SYT6: variants seen among roughly 807,000 people sequenced by gnomAD.
SYT6 encodes synaptotagmin-6.
In SYT6, 24 loss-of-function variants were observed where a neutral mutation model predicts 38.4. The observed-to-expected ratio is 0.62, with a 90% confidence interval of 0.45 to 0.88. The LOEUF is 0.88. SYT6 is among the 40% of genes least tolerant of loss of function. The probability of loss-of-function intolerance (pLI) is 0.00; values close to 1 mark genes in which losing one functional copy is unlikely to be tolerated. For synonymous variants in SYT6, 265 were observed against 241.9 expected (o/e 1.10, Z -0.89); for missense variants, 611 against 621.0 (o/e 0.98, Z 0.17).
At chr1:114,103,010 T>C (rs1393055634) in intron 4 of SYT6, among the ~76,000 whole-genome samples, 2 of 152,236 alleles carry the variant, frequency 1.3e-5, no homozygotes, top group African/African-American at 4.8e-5. Context: ...AATAAGACTA[T>C]ATTTCTATGT....
intron 6 of SYT6, among the ~76,000 whole-genome samples, chr1:114,095,236 C>G (rs1675562158): frequency 2.0e-5 from 3 of 152,200 alleles, no homozygotes; most frequent in Admixed American, 2.0e-4. Flanking sequence ...CCATTACTGT[C>G]TCATCAAATA....
chr1:114,094,973 G>T (rs544297892), intron 6 of SYT6, among the ~76,000 whole-genome samples: 3 of 152,322 alleles, frequency 2.0e-5, no homozygotes, highest in East Asian at 3.9e-4. Flanking sequence ...TTTTAATAAA[G>T]ATATTTAAAC....
chr1:114,116,086 T>C (rs1478796940), intron 3 of SYT6, among the ~76,000 whole-genome samples: 1 of 152,178 alleles, frequency 6.6e-6, no homozygotes, highest in Non-Finnish European at 1.5e-5. Flanking sequence ...TGCCCCCACC[T>C]GCCTCTCTTG....
intron 3 of SYT6, among the ~76,000 whole-genome samples, chr1:114,113,337 G>C (rs1872478): frequency 0.56 from 85,135 of 151,600 alleles, 24,210 homozygotes; most frequent in African/African-American, 0.59. Flanking sequence ...AAACAGTGAA[G>C]TTTGTCAAGC....
chr1:114,104,997 CGA>C (rs1557735878), intron 3 of SYT6, among the ~76,000 whole-genome samples: 1 of 152,026 alleles, frequency 6.6e-6, no homozygotes, highest in East Asian at 1.9e-4. Context: ...CCCTCCCTCC[CGA>C]CTCTAGTAGT....
In SYT6 at chr1:114,091,248, C is replaced by A. The variant is rs550817556; in HGVS notation, c.*886G>T. 13 of 152,840 alleles carry A rather than the reference C, an allele frequency of 8.5e-5. No homozygotes were observed. Among genetic ancestry groups the A allele is most frequent in the Middle Eastern group, 3.4e-3 (1 of 294 alleles). 9.5% of individuals were successfully genotyped at this position (152,840 alleles called of 1,614,324 possible). The stretch of plus-strand genomic sequence containing the variant: ...CAAGATTATTTCTGAGGACAAAGAT[C>A]CTGTTTTCAAACAAATGTGATCATT... On this transcript the variant is annotated 3_prime_UTR_variant, in exon 8 of 8. Coordinates refer to ENST00000610222, the MANE Select transcript of SYT6 (RefSeq NM_001253772.2).
At position 114,091,987 on chromosome 1, in the gene SYT6, A is replaced by G. The variant is rs958847301; in HGVS notation, c.*147T>C. ...TGCAAAGAGAACATTGCTGAGTCCCATTTGTGTTATTTGGCTGCACATCTC... is the reference window on the plus strand; with the variant it reads ...TGCAAAGAGAACATTGCTGAGTCCCGTTTGTGTTATTTGGCTGCACATCTC... On this transcript the variant is annotated 3_prime_UTR_variant, in exon 8 of 8. Transcript: ENST00000610222. The G allele has an allele frequency of 5.1e-5, 79 of 1,535,494 alleles. No homozygotes were observed. Among genetic ancestry groups the G allele is most frequent in the Admixed American group, 7.8e-5 (4 of 50,976 alleles).
Position 114,097,762 on chromosome 1 carries a change from G to T in SYT6, c.1480C>A (p.His494Asn). The T allele has an allele frequency of 6.2e-7, 1 of 1,614,208 alleles. No homozygotes were observed. Among genetic ancestry groups the T allele is most frequent in the Non-Finnish European group, 8.5e-7 (1 of 1,180,040 alleles). Residue 494 changes from histidine to asparagine, a missense_variant, in exon 6 of 8, where the codon CAC (histidine) becomes AAC (asparagine). By Grantham distance (68) the His-to-Asn change is moderately conservative. Coordinates refer to ENST00000610222, the MANE Select transcript of SYT6 (RefSeq NM_001253772.2). ...GATTTCTTTACCTCCACCAAGGAGT[G>T]CCAGTGTGCGATGGGCTTCCGGGGG... ...AYPRKPIAHW[H>N]SLVEVKKSFK...
intron 5 of SYT6, among the ~76,000 whole-genome samples, chr1:114,098,790 G>C (rs904685612): frequency 6.6e-6 from 1 of 152,192 alleles, no homozygotes; most frequent in Non-Finnish European, 1.5e-5. Flanking sequence ...CATTTCAAAG[G>C]CCAGATAATA....
intron 1 of SYT6, among the ~76,000 whole-genome samples, chr1:114,143,228 T>G (rs1678964991): frequency 6.7e-6 from 1 of 149,298 alleles, no homozygotes; most frequent in Non-Finnish European, 1.5e-5. Context: ...TATTGTGCTA[T>G]TCTAATAATT....
At chr1:114,109,419 CA>C (rs1195992594) in intron 3 of SYT6, among the ~76,000 whole-genome samples, 2 of 152,216 alleles carry the variant, frequency 1.3e-5, no homozygotes, top group African/African-American at 4.8e-5. Context: ...CAGGCAGATC[CA>C]GCTTCCAGCT....
At chr1:114,116,341 G>A (rs78928139) in intron 3 of SYT6, among the ~76,000 whole-genome samples, 15,659 of 152,170 alleles carry the variant, frequency 0.1, 955 homozygotes, top group Non-Finnish European at 0.14. Context: ...TGTCCCCAAC[G>A]CGGCAGTTCA....
At chr1:114,129,447 T>C (rs1296642525) in intron 3 of SYT6, among the ~76,000 whole-genome samples, 1 of 151,934 alleles carries the variant, frequency 6.6e-6, no homozygotes, top group Admixed American at 6.6e-5. Flanking sequence ...TCCCACTTCA[T>C]CTTTCACTCT....
chr1:114,110,643 G>A (rs774842530), intron 3 of SYT6, among the ~76,000 whole-genome samples: 1 of 152,216 alleles, frequency 6.6e-6, no homozygotes, highest in African/African-American at 2.4e-5. Context: ...TGGGACTTCA[G>A]CAGCTTGTAA....
At chr1:114,101,476 C>T (rs1379590768) in intron 4 of SYT6, among the ~76,000 whole-genome samples, 2 of 152,176 alleles carry the variant, frequency 1.3e-5, no homozygotes, top group East Asian at 1.9e-4. Flanking sequence ...GTGCTCACCA[C>T]CCCTTTGTAG....
chr1:114,135,754 G>A (rs539338228), intron 3 of SYT6, among the ~76,000 whole-genome samples: 2 of 152,348 alleles, frequency 1.3e-5, no homozygotes, highest in South Asian at 2.1e-4. Context: ...GAGCAAAGGA[G>A]GCTCCTAGAA....
At chr1:114,147,320 T>C (rs980841409) in intron 1 of SYT6, among the ~76,000 whole-genome samples, 1 of 152,224 alleles carries the variant, frequency 6.6e-6, no homozygotes, top group African/African-American at 2.4e-5. Context: ...AAGAAGATCA[T>C]GGAAGAAAAA....
In SYT6 at chr1:114,139,810, A is replaced by T; in HGVS notation, c.317T>A (p.Leu106His). The change falls in exon 2 of 8, where the codon CTC (leucine) becomes CAC (histidine). Residue 106 changes from leucine to histidine, a missense_variant. Transcript: ENST00000610222. Reference protein sequence around the residue: ...PSSANPPLEALQSPSFRGNMA... With the variant: ...PSSANPPLEAHQSPSFRGNMA... ...GTTGCCTCTGAAGCTGGGGCTCTGG[A>T]GGGCTTCCAAGGGGGGATTAGCAGA... 6.2e-7 allele frequency: 1 copy of T among 1,605,710 alleles called. No homozygotes were observed. The highest frequency in any genetic ancestry group is 1.1e-5 in the South Asian group (1 of 89,602).
At chr1:114,095,993 C>A in intron 6 of SYT6, among the ~76,000 whole-genome samples, 1 of 150,984 alleles carries the variant, frequency 6.6e-6, no homozygotes, top group African/African-American at 2.5e-5. Flanking sequence ...TACAGCCGAC[C>A]AGAGGCCTCT....
Sources: gnomAD v4.1 joint callset for allele counts (sites outside exome capture counted in the v4.1 genomes callset) on GRCh38, gnomAD v4.1.1 for gene constraint, MANE v1.5 for transcripts, NCBI Gene and HGNC (gene_info 2026-07-23, HGNC 2026-07-21) for gene names.